The following CNOT1 variants were observed in gnomAD, a reference collection of about 807,000 sequenced individuals.
The protein encoded by CNOT1 is CCR4-associated factor 1.
In CNOT1, 15 loss-of-function variants were observed where a neutral mutation model predicts 273.8. The ratio of observed to expected loss-of-function variants is 0.05; its 90% CI spans 0.04 to 0.08. The LOEUF is 0.08. CNOT1 is among the 10% of genes least tolerant of loss of function. The pLI, the probability that CNOT1 is intolerant of heterozygous loss-of-function variation, is 1.00. For synonymous variants in CNOT1, 1,022 were observed against 1,005.5 expected (o/e 1.02, Z -0.31); for missense variants, 1,644 against 2,912.2 (o/e 0.56, Z 10.02).
In CNOT1 at chr16:58,574,656, A is replaced by T; in HGVS notation, c.1932T>A (p.Pro644=). 6.2e-7 allele frequency: 1 copy of T among 1,606,434 alleles called. No individual in the cohort carries two copies. The highest frequency in any genetic ancestry group is 8.5e-7 in the Non-Finnish European group (1 of 1,178,606). ...EKDQPKSAQL[P]PETLATMLAC... ...CCAACATTGTCGCCAAAGTTTCTGG[A>T]GGAAGTTGAGCACTTTTGGGCTGGT... The change falls in exon 16 of 49, where the codon CCT becomes CCA. Residue 644 remains proline (P), a synonymous_variant. Transcript: ENST00000317147.
Position 58,594,835 on chromosome 16 carries a change from G to A in CNOT1, c.102+4401C>T, listed in dbSNP as rs935058665. Among the ~76,000 whole-genome samples, 19 of 150,668 alleles carry A rather than the reference G, an allele frequency of 1.3e-4. No homozygotes were observed. The East Asian group carries it at 3.1e-3, about 25-fold the overall frequency. ...AAAAAGAAAAAGAAAAAGAAAAAAA[G>A]GCTAGGTACAGTGGCTCACGCCTGT... On this transcript the variant is annotated intron_variant, in intron 2 of 48. Coordinates refer to ENST00000317147, the MANE Select transcript of CNOT1 (RefSeq NM_016284.5).
At chr16:58,566,453 A>G (rs536163529) in intron 16 of CNOT1, among the ~76,000 whole-genome samples, 1 of 152,352 alleles carries the variant, frequency 6.6e-6, no homozygotes, top group Non-Finnish European at 1.5e-5. Flanking sequence ...GCCTTCTTAC[A>G]ATAAAAACAT....
chr16:58,613,385 T>G lies in CNOT1; in HGVS notation c.-174-13874A>C, dbSNP rs1356600693. ...TCCTTTCAAAATCGATTTGTACAAG[T>G]CTAAATAATTGTTTTAATACCAATT... is the stretch of plus-strand genomic sequence containing the variant. On this transcript the variant is annotated intron_variant, in intron 1 of 48. Transcript: ENST00000317147. 6.5e-5 allele frequency among the ~76,000 whole-genome samples: 8 copies of G among 123,578 alleles called. No homozygotes were observed. The East Asian group carries it at 1.6e-3, about 24-fold the overall frequency. 81.1% of individuals were successfully genotyped at this position (123,578 alleles called of 152,430 possible).
At chr16:58,523,554 G>C (rs2039481100) in intron 46 of CNOT1, 52 bp from the exon 47 acceptor site, 1 of 1,587,068 alleles carries the variant, frequency 6.3e-7, no homozygotes, top group Non-Finnish European at 8.6e-7. Flanking sequence ...GCCAACATGG[G>C]AAGACAGTTC....
intron 16 of CNOT1, 28 bp downstream of exon 16, chr16:58,574,581 A>T: frequency 6.5e-7 from 1 of 1,544,016 alleles, no homozygotes; most frequent in Non-Finnish European, 8.7e-7. Flanking sequence ...AATTCAAAAA[A>T]AGTCATATTC....
chr16:58,594,450 T>G (rs769251100), intron 2 of CNOT1, among the ~76,000 whole-genome samples: 4 of 152,090 alleles, frequency 2.6e-5, no homozygotes, highest in African/African-American at 4.8e-5. Context: ...TGAAATTAGA[T>G]AGTGGTTATG....
Position 58,579,881 on chromosome 16 carries a change from C to A in CNOT1, c.1343+752G>T, listed in dbSNP as rs555465069. Among the ~76,000 whole-genome samples, 48 of 152,224 alleles carry A rather than the reference C, an allele frequency of 3.2e-4. No homozygotes were observed. In the South Asian group the frequency reaches 4.1e-3, roughly 13 times the overall value. Reference sequence around the variant, plus strand: ...AAGATTCTACCTCGAAAATTTGAAACTGGAACTCAGAGAAACTAGATACTT... The same window carrying A: ...AAGATTCTACCTCGAAAATTTGAAAATGGAACTCAGAGAAACTAGATACTT... On this transcript the variant is annotated intron_variant, in intron 12 of 48. Coordinates refer to ENST00000317147, the MANE Select transcript of CNOT1 (RefSeq NM_016284.5).
At chr16:58,584,204 C>T (rs925707941) in intron 8 of CNOT1, among the ~76,000 whole-genome samples, 7 of 151,798 alleles carry the variant, frequency 4.6e-5, no homozygotes, top group Non-Finnish European at 8.8e-5. Flanking sequence ...GAAAATAAGA[C>T]TCATGAGTAA....
chr16:58,535,076 T>C (rs1210094136), intron 39 of CNOT1, among the ~76,000 whole-genome samples: 2 of 152,186 alleles, frequency 1.3e-5, no homozygotes, highest in East Asian at 3.8e-4. Flanking sequence ...ATTTGGCTAG[T>C]TCCCCTCAAC....
intron 22 of CNOT1, among the ~76,000 whole-genome samples, 194 bp from the exon 23 acceptor site, chr16:58,552,013 T>G (rs551056825): frequency 6.6e-5 from 10 of 152,272 alleles, no homozygotes; most frequent in South Asian, 4.1e-4. Context: ...TCTTAGTATT[T>G]ATGAGAGAAC....
intron 40 of CNOT1, 164 bp from the exon 41 acceptor site, chr16:58,532,559 TG>T: frequency 7.9e-7 from 1 of 1,271,830 alleles, no homozygotes; most frequent in Non-Finnish European, 1.0e-6. Flanking sequence ...GGTCATAAAT[TG>T]GTCTGACTCC....
chr16:58,558,404 T>TAC lies in CNOT1; in HGVS notation c.2332+67_2332+68dup, dbSNP rs2040711989. On this transcript the variant is annotated intron_variant, in intron 18 of 48. Coordinates refer to ENST00000317147, the MANE Select transcript of CNOT1 (RefSeq NM_016284.5). ...CTTATCACAGTGACTCCAAACCCCT[T>TAC]ACCAAACACTAAGGCATAACTAAGG... 7 of 1,595,144 alleles carry TAC rather than the reference T, an allele frequency of 4.4e-6. No homozygotes were observed. The African/African-American group carries it at 9.4e-5, about 21-fold the overall frequency.
At chr16:58,586,789 A>G (rs1312041861) in intron 6 of CNOT1, 41 bp from the exon 7 acceptor site, 1 of 1,601,250 alleles carries the variant, frequency 6.2e-7, no homozygotes, top group South Asian at 1.1e-5. Flanking sequence ...TTACTTTTGC[A>G]CCACAATGGG....
chr16:58,603,979 T>A (rs1328944769), intron 1 of CNOT1, among the ~76,000 whole-genome samples: 1 of 152,240 alleles, frequency 6.6e-6, no homozygotes, highest in Non-Finnish European at 1.5e-5. Flanking sequence ...TGTCCCATAG[T>A]AAGAACTCAC....
chr16:58,599,135 T>C, intron 2 of CNOT1, 101 bp downstream of exon 2: 2 of 1,498,424 alleles, frequency 1.3e-6, no homozygotes, highest in East Asian at 4.6e-5. Flanking sequence ...GGGGCAAAAG[T>C]TAGTTACCTT....
intron 16 of CNOT1, among the ~76,000 whole-genome samples, chr16:58,562,070 G>A (rs1166123650): frequency 1.3e-5 from 2 of 151,784 alleles, no homozygotes; most frequent in Non-Finnish European, 2.9e-5. Flanking sequence ...GCATGTGGCG[G>A]GCACCTCTAA....
At chr16:58,604,905 G>A (rs1322488369) in intron 1 of CNOT1, among the ~76,000 whole-genome samples, 15 of 150,680 alleles carry the variant, frequency 1.0e-4, no homozygotes, top group Non-Finnish European at 1.6e-4. Context: ...GCGAGGCCGA[G>A]GCAGGTGGAT....
intron 1 of CNOT1, among the ~76,000 whole-genome samples, chr16:58,622,332 G>C (rs1039001103): frequency 5.1e-5 from 1 of 19,564 alleles, no homozygotes; most frequent in African/African-American, 1.9e-4. Flanking sequence ...TACCACTCTA[G>C]TGGGGGGGGG....
chr16:58,581,988 A>G (rs1454009291), intron 10 of CNOT1, among the ~76,000 whole-genome samples: 1 of 151,974 alleles, frequency 6.6e-6, no homozygotes, highest in Non-Finnish European at 1.5e-5. Context: ...TAATATCTAA[A>G]AGTTCCATTC....
Sources: gnomAD v4.1 joint callset for allele counts (sites outside exome capture counted in the v4.1 genomes callset) on GRCh38, gnomAD v4.1.1 for gene constraint, MANE v1.5 for transcripts, NCBI Gene and HGNC (gene_info 2026-07-23, HGNC 2026-07-21) for gene names.